Variants in CARMIL1 observed in about 807,000 individuals in gnomAD.
The protein encoded by CARMIL1 is F-actin-uncapping protein LRRC16A.
A neutral mutation model predicts 177.1 loss-of-function variants in CARMIL1; 90 were observed. The observed-to-expected ratio is 0.51, with a 90% confidence interval of 0.43 to 0.61. CARMIL1 has a LOEUF of 0.61. Ranked by LOEUF, CARMIL1 falls within the 20% of genes least tolerant of loss-of-function variation. The pLI, the probability that CARMIL1 is intolerant of heterozygous loss-of-function variation, is 0.00. For missense variants in CARMIL1, 1,380 were observed against 1,667.0 expected, an observed-to-expected ratio of 0.83 and a Z score of 3.00; for synonymous variants, 577 against 606.2, an observed-to-expected ratio of 0.95 and a Z score of 0.71.
At chr6:25,512,605 A>G (rs1406300661) in intron 20 of CARMIL1, among the ~76,000 whole-genome samples, 1 of 151,966 alleles carries the variant, frequency 6.6e-6, no homozygotes, top group Non-Finnish European at 1.5e-5. Flanking sequence ...TAATCTCTTT[A>G]CTTTTTACAT....
At position 25,495,232 on chromosome 6, in the gene CARMIL1, C is replaced by G. The variant is rs769032375; in HGVS notation, c.1325+17C>G. The G allele has an allele frequency of 1.3e-6, 2 of 1,515,766 alleles. No homozygotes were observed. The highest frequency in any genetic ancestry group is 1.8e-6 in the Non-Finnish European group (2 of 1,104,696). 93.9% of individuals were successfully genotyped at this position (1,515,766 alleles called of 1,614,324 possible). On this transcript the variant is annotated intron_variant, in intron 16 of 36. Coordinates refer to ENST00000329474, the MANE Select transcript of CARMIL1 (RefSeq NM_017640.6). The stretch of plus-strand genomic sequence containing the variant: ...GCCCTTAAAGTGAGTGGTTAATTCA[C>G]TTTCTCCAGAGCTTTTAAAGTTCAA...
rs1780895843 is a variant in CARMIL1, at chr6:25,279,505, G to T, written c.-291G>T. The T allele has an allele frequency of 6.1e-6, 3 of 493,306 alleles. No homozygotes were observed. Among genetic ancestry groups the T allele is most frequent in the Admixed American group, 3.4e-5 (1 of 29,738 alleles). 30.6% of individuals were successfully genotyped at this position (493,306 alleles called of 1,614,324 possible). The stretch of plus-strand genomic sequence containing the variant: ...GAGGAGCAGGCGCCACAGCCGCCCC[G>T]CGCCCCGCGCCCGCTTGTAATCCGG... On this transcript the variant is annotated 5_prime_UTR_variant, in exon 1 of 37. Transcript: ENST00000329474.
Position 25,577,322 on chromosome 6 carries a change from TTTAAGA to T in CARMIL1, c.2743-3599_2743-3594del. ...TAACAATAATAAAGACATGATTACT[TTTAAGA>T]TTTTTTTCCTGATTCTTGTCATATT... On this transcript the variant is annotated intron_variant, in intron 29 of 36. Transcript: ENST00000329474. This position sits in a 1 kb window ranked among gnomAD's most constrained non-coding sequence, Gnocchi z 4.5. Among the ~76,000 whole-genome samples the T allele has an allele frequency of 6.6e-6, 1 of 152,174 alleles. No individual in the cohort carries two copies. The highest frequency in any genetic ancestry group is 1.5e-5 in the Non-Finnish European group (1 of 68,018).
At chr6:25,576,415 A>T (rs904958773) in intron 29 of CARMIL1, among the ~76,000 whole-genome samples, 2 of 151,694 alleles carry the variant, frequency 1.3e-5, no homozygotes, top group African/African-American at 4.9e-5. Context: ...AAAAGTTTTA[A>T]TGACTGAAGA....
intron 17 of CARMIL1, among the ~76,000 whole-genome samples, chr6:25,501,386 A>G (rs1804319969): frequency 6.6e-6 from 1 of 152,204 alleles, no homozygotes; most frequent in Non-Finnish European, 1.5e-5. Flanking sequence ...TAGGCTATGC[A>G]ATCCTGGATG....
chr6:25,392,374 T>C (rs1331857664), intron 2 of CARMIL1, among the ~76,000 whole-genome samples: 7 of 152,204 alleles, frequency 4.6e-5, no homozygotes, highest in Non-Finnish European at 1.0e-4. Flanking sequence ...AGCAAAAATG[T>C]TTCTTCCTAT....
chr6:25,363,442 A>T (rs1490915390), intron 2 of CARMIL1, among the ~76,000 whole-genome samples: 1 of 152,064 alleles, frequency 6.6e-6, no homozygotes, highest in East Asian at 1.9e-4. Flanking sequence ...ATTTTGGTGT[A>T]TACATGTTTA....
At chr6:25,294,661 T>C (rs1257670056) in intron 2 of CARMIL1, among the ~76,000 whole-genome samples, 1 of 152,212 alleles carries the variant, frequency 6.6e-6, no homozygotes, top group African/African-American at 2.4e-5. Context: ...GTTCAAGTAT[T>C]TGAAGAAGGT....
At position 25,577,316 on chromosome 6, in the gene CARMIL1, ATTACTT is replaced by A. The variant is rs1812688941; in HGVS notation, c.2743-3604_2743-3599del. 2.6e-5 allele frequency among the ~76,000 whole-genome samples: 4 copies of A among 152,282 alleles called. No homozygotes were observed. The South Asian group carries it at 8.3e-4, about 32-fold the overall frequency. Reference sequence around the variant, plus strand: ...TAATAATAACAATAATAAAGACATGATTACTTTTAAGATTTTTTTCCTGATTCTTGT... The same window carrying A: ...TAATAATAACAATAATAAAGACATGATTAAGATTTTTTTCCTGATTCTTGT... On this transcript the variant is annotated intron_variant, in intron 29 of 36. Coordinates refer to ENST00000329474, the MANE Select transcript of CARMIL1 (RefSeq NM_017640.6). The surrounding 1 kb of genome is among the most constrained non-coding windows in gnomAD (Gnocchi z 4.5).
chr6:25,619,387 T>C, intron 36 of CARMIL1, 60 bp from the exon 37 acceptor site: 2 of 1,532,460 alleles, frequency 1.3e-6, no homozygotes, highest in Non-Finnish European at 8.8e-7. Flanking sequence ...CAGCCCATTA[T>C]CAGTCAGGCC....
chr6:25,313,751 C>G (rs751484640), intron 2 of CARMIL1, among the ~76,000 whole-genome samples: 5 of 148,960 alleles, frequency 3.4e-5, no homozygotes, highest in African/African-American at 5.1e-5. Flanking sequence ...CTTAAACTTC[C>G]AAATAAATGC....
intron 8 of CARMIL1, among the ~76,000 whole-genome samples, chr6:25,461,715 G>A (rs957841129): frequency 7.2e-5 from 11 of 152,176 alleles, no homozygotes; most frequent in Non-Finnish European, 5.9e-5. Context: ...TGGATCAGAT[G>A]TCAAGTATCT....
chr6:25,286,097 TC>T (rs1403177821), intron 2 of CARMIL1, among the ~76,000 whole-genome samples: 1 of 152,216 alleles, frequency 6.6e-6, no homozygotes, highest in African/African-American at 2.4e-5. Flanking sequence ...GGTCTCAAAC[TC>T]CTGGACTCAA....
At chr6:25,430,273 A>C (rs200859676) in intron 4 of CARMIL1, among the ~76,000 whole-genome samples, 33 of 149,394 alleles carry the variant, frequency 2.2e-4, no homozygotes, top group East Asian at 2.2e-3. Flanking sequence ...AGAGAATCAT[A>C]GATTTATAGA....
intron 29 of CARMIL1, among the ~76,000 whole-genome samples, chr6:25,565,473 AC>A (rs1240882546): frequency 6.6e-6 from 1 of 152,218 alleles, no homozygotes; most frequent in East Asian, 1.9e-4. Context: ...CGCTCACCAG[AC>A]TGCCTTCCCT....
At chr6:25,279,921 G>A (rs1780939118) in intron 1 of CARMIL1, 86 bp downstream of exon 1, 13 of 1,483,094 alleles carry the variant, frequency 8.8e-6, no homozygotes, top group Non-Finnish European at 1.2e-5. Flanking sequence ...TTTCCCGCAG[G>A]TCTCGAGAAG....
At chr6:25,593,317 C>A (rs1420646831) in intron 31 of CARMIL1, among the ~76,000 whole-genome samples, 1 of 152,158 alleles carries the variant, frequency 6.6e-6, no homozygotes, top group African/African-American at 2.4e-5. Context: ...TATTCTCTGG[C>A]GTCTCCAATT....
intron 11 of CARMIL1, chr6:25,478,976 T>C: frequency 2.5e-6 from 1 of 393,698 alleles, no homozygotes; most frequent in East Asian, 5.9e-5. Context: ...CTTTCCTTAG[T>C]GTTTCTGAAC....
chr6:25,417,811 C>A (rs1028581401), intron 2 of CARMIL1, among the ~76,000 whole-genome samples: 1 of 152,230 alleles, frequency 6.6e-6, no homozygotes, highest in African/African-American at 2.4e-5. Flanking sequence ...GAGTTCATCA[C>A]TGAGTCTCAA....
Sources: allele counts gnomAD v4.1 joint callset (sites outside exome capture counted in the v4.1 genomes callset), GRCh38; gene constraint gnomAD v4.1.1; non-coding constraint Gnocchi (gnomAD v3.1); transcripts MANE v1.5; gene names NCBI Gene and HGNC (gene_info 2026-07-23, HGNC 2026-07-21).